RTN1: variants seen among roughly 807,000 people sequenced by gnomAD.
RTN1 encodes the protein reticulon 1.
RTN1 carries 25 observed loss-of-function variants against 65.5 expected under a neutral mutation model. The ratio of observed to expected loss-of-function variants is 0.38; its 90% CI spans 0.28 to 0.53. The LOEUF (loss-of-function observed/expected upper bound fraction) is 0.53. Among genes scored for constraint, RTN1 ranks in the 20% least tolerant of loss-of-function variants. The pLI, the probability that RTN1 is intolerant of heterozygous loss-of-function variation, is 0.79. For missense variants in RTN1, 983 were observed against 1,025.4 expected (o/e 0.96, Z 0.57); for synonymous variants, 471 against 447.6 (o/e 1.05, Z -0.66).
At chr14:59,649,389 A>G (rs1882975450) in intron 3 of RTN1, among the ~76,000 whole-genome samples, 1 of 152,200 alleles carries the variant, frequency 6.6e-6, no homozygotes, top group African/African-American at 2.4e-5. Flanking sequence ...AATGGCAACA[A>G]AAGCCAAAAT....
chr14:59,866,342 G>A (rs1354245928), intron 1 of RTN1, among the ~76,000 whole-genome samples: 1 of 152,090 alleles, frequency 6.6e-6, no homozygotes, highest in Non-Finnish European at 1.5e-5. Flanking sequence ...CCCAGGGATA[G>A]ACAATAAAAT....
At chr14:59,656,220 G>T (rs965788726) in intron 3 of RTN1, among the ~76,000 whole-genome samples, 1 of 151,530 alleles carries the variant, frequency 6.6e-6, no homozygotes, top group Non-Finnish European at 1.5e-5. Flanking sequence ...GAGGTGGGGG[G>T]AATGAGAAAT....
intron 3 of RTN1, among the ~76,000 whole-genome samples, chr14:59,608,886 A>G (rs1008968669): frequency 1.3e-5 from 2 of 152,108 alleles, no homozygotes; most frequent in African/African-American, 4.8e-5. Context: ...TGGTCCTACA[A>G]ATAGGTTTCC....
At chr14:59,784,873 T>C (rs80030728) in intron 1 of RTN1, among the ~76,000 whole-genome samples, 5,141 of 152,236 alleles carry the variant, frequency 0.034, 252 homozygotes, top group South Asian at 0.25. Flanking sequence ...GGATGAAAAA[T>C]AGGAGTGGAA....
In RTN1 at chr14:59,788,035, T is replaced by C. The variant is rs896145765; in HGVS notation, c.242-41554A>G. ...TAAATACATCTTTGAGCTCTTCACA[T>C]TTACAATTATTGATCTGTCTCATTC... On this transcript the variant is annotated intron_variant, in intron 1 of 8. Transcript: ENST00000267484. Among the ~76,000 whole-genome samples the C allele has an allele frequency of 1.2e-4, 18 of 152,334 alleles. 1 individual carries two copies. Among genetic ancestry groups the C allele is most frequent in the Admixed American group, 8.5e-4 (13 of 15,290 alleles).
chr14:59,719,827 C>A (rs2139466162), intron 3 of RTN1, among the ~76,000 whole-genome samples: 1 of 152,224 alleles, frequency 6.6e-6, no homozygotes, highest in Non-Finnish European at 1.5e-5. Context: ...TTCCAAACTC[C>A]ATTATTATAA....
At chr14:59,751,316 A>G (rs796536695) in intron 1 of RTN1, among the ~76,000 whole-genome samples, 1 of 151,112 alleles carries the variant, frequency 6.6e-6, no homozygotes, top group South Asian at 2.1e-4. Context: ...ATAGAACACC[A>G]AACAAAAAAA....
intron 1 of RTN1, among the ~76,000 whole-genome samples, chr14:59,761,275 C>A (rs534573604): frequency 1.3e-5 from 2 of 152,310 alleles, no homozygotes; most frequent in Admixed American, 1.3e-4. Context: ...GTAACAATCC[C>A]CACGTGTCAA....
At chr14:59,750,891 AT>A (rs1031740940) in intron 1 of RTN1, among the ~76,000 whole-genome samples, 2 of 148,712 alleles carry the variant, frequency 1.3e-5, no homozygotes, top group African/African-American at 5.0e-5. Context: ...TTTTGTTTTC[AT>A]TTTTTCATAG....
intron 1 of RTN1, among the ~76,000 whole-genome samples, chr14:59,828,615 C>T (rs942750): frequency 0.79 from 119,708 of 152,126 alleles, 47,405 homozygotes; most frequent in African/African-American, 0.84. Context: ...AGTGGTCCAA[C>T]TGTTTTCCAG....
chr14:59,757,017 T>C (rs1463135750), intron 1 of RTN1, among the ~76,000 whole-genome samples: 1 of 152,118 alleles, frequency 6.6e-6, no homozygotes, highest in East Asian at 1.9e-4. Flanking sequence ...ACTTTATTCT[T>C]ATTATTTTTT....
intron 1 of RTN1, among the ~76,000 whole-genome samples, chr14:59,820,738 A>G (rs938922499): frequency 6.6e-6 from 1 of 152,174 alleles, no homozygotes; most frequent in African/African-American, 2.4e-5. Context: ...AATGGGAACT[A>G]CAATTCAAGA....
At chr14:59,666,630 C>CA (rs926402015) in intron 3 of RTN1, among the ~76,000 whole-genome samples, 3 of 151,268 alleles carry the variant, frequency 2.0e-5, no homozygotes, top group Non-Finnish European at 4.4e-5. Context: ...GAAAACCCTT[C>CA]AAAAAAAATC....
At chr14:59,861,226 C>A (rs571174962) in intron 1 of RTN1, among the ~76,000 whole-genome samples, 1 of 152,224 alleles carries the variant, frequency 6.6e-6, no homozygotes, top group South Asian at 2.1e-4. Context: ...CAGGTCTTTT[C>A]CATGCTGTTC....
intron 1 of RTN1, among the ~76,000 whole-genome samples, chr14:59,750,336 T>A (rs866154848): frequency 0.42 from 6,812 of 16,052 alleles, 1,337 homozygotes; most frequent in African/African-American, 0.63. Flanking sequence ...TATAATATAT[T>A]ATATCTATAA....
intron 1 of RTN1, among the ~76,000 whole-genome samples, chr14:59,833,634 G>A (rs988303682): frequency 6.6e-6 from 1 of 152,104 alleles, no homozygotes; most frequent in East Asian, 1.9e-4. Flanking sequence ...TTGTCCCCCA[G>A]GTAATGGGCA....
chr14:59,813,003 G>T (rs377714365), intron 1 of RTN1, among the ~76,000 whole-genome samples: 1 of 152,098 alleles, frequency 6.6e-6, no homozygotes, highest in African/African-American at 2.4e-5. Context: ...ACCTAAATAT[G>T]CTGACTTCTC....
chr14:59,735,417 G>T (rs1003487700), intron 2 of RTN1, among the ~76,000 whole-genome samples: 2 of 152,130 alleles, frequency 1.3e-5, no homozygotes, highest in Non-Finnish European at 2.9e-5. Flanking sequence ...TGGGCTAAAT[G>T]CCCCAATTAA....
chr14:59,789,194 T>C (rs919189819), intron 1 of RTN1, among the ~76,000 whole-genome samples: 7 of 152,134 alleles, frequency 4.6e-5, no homozygotes, highest in African/African-American at 1.7e-4. Context: ...TCAAGTTTTC[T>C]TGATATGCAG....
Sources: gnomAD v4.1 joint callset for allele counts (sites outside exome capture counted in the v4.1 genomes callset) on GRCh38, gnomAD v4.1.1 for gene constraint, MANE v1.5 for transcripts, NCBI Gene and HGNC (gene_info 2026-07-23, HGNC 2026-07-21) for gene names.